Variants in FARP1 observed in about 807,000 individuals in gnomAD.
FARP1 encodes the protein FERM, ARHGEF and pleckstrin domain-containing protein 1.
In FARP1, 52 loss-of-function variants were observed where a neutral mutation model predicts 128.8. The observed-to-expected ratio is 0.40, with a 90% CI of 0.32 to 0.51. The LOEUF is 0.51. Among genes scored for constraint, FARP1 ranks in the 20% least tolerant of loss-of-function variants. The pLI, the probability that FARP1 is intolerant of heterozygous loss-of-function variation, is 0.45. For missense variants in FARP1, 1,333 were observed against 1,367.9 expected (o/e 0.97, Z 0.40); for synonymous variants, 580 against 551.8 (o/e 1.05, Z -0.72).
chr13:98,444,632 G>A (rs1191216886), intron 24 of FARP1, among the ~76,000 whole-genome samples: 1 of 152,210 alleles, frequency 6.6e-6, no homozygotes, highest in Non-Finnish European at 1.5e-5. Context: ...AGGAAGGGCC[G>A]CTGGATGTGC....
At chr13:98,395,574 G>A (rs1306211901) in intron 13 of FARP1, 98 bp downstream of exon 13, 8 of 1,397,252 alleles carry the variant, frequency 5.7e-6, no homozygotes, top group South Asian at 1.5e-5. Flanking sequence ...GAGAACAAGC[G>A]TCCCGATCCC....
Position 98,176,435 on chromosome 13 carries a change from C to T in FARP1, c.-24+32943C>T. 1 of 1,614,196 alleles carries T rather than the reference C, an allele frequency of 6.2e-7. No homozygotes were observed. The highest frequency in any genetic ancestry group is 8.5e-7 in the Non-Finnish European group (1 of 1,180,040). On this transcript the variant is annotated intron_variant, in intron 1 of 26. Coordinates refer to ENST00000319562, the MANE Select transcript of FARP1 (RefSeq NM_005766.4). This position sits in a 1 kb window ranked among gnomAD's most constrained non-coding sequence, Gnocchi z 6.2. ...CAGAAATAATGCCTGCACTTGGTGA[C>T]GACTGGGTTTTGGAAGGCCTGGCGA...
chr13:98,446,456 G>C, intron 25 of FARP1: 1 of 611,186 alleles, frequency 1.6e-6, no homozygotes, highest in South Asian at 2.0e-5. Context: ...AGGGACGGGG[G>C]TTGGCTTTAT....
At position 98,452,058 on chromosome 13, in the gene FARP1, GTC is replaced by G. The variant is rs1326167849; in HGVS notation, c.*3744_*3745del. 4 of 152,152 alleles carry G rather than the reference GTC, an allele frequency of 2.6e-5. No individual in the cohort carries two copies. The highest frequency in any genetic ancestry group is 6.5e-5 in the Admixed American group (1 of 15,274). 9.4% of individuals were successfully genotyped at this position (152,152 alleles called of 1,614,324 possible). A position where few individuals can be genotyped will look rare whatever the true frequency, so the allele number is the denominator to read the frequency against. Reference sequence around the variant, plus strand: ...ACTTCTCCCTGGAGTCTTCCAAAGTGTCTCATCACACACACACAGCCACGAGT... The same window carrying G: ...ACTTCTCCCTGGAGTCTTCCAAAGTGTCATCACACACACACAGCCACGAGT... On this transcript the variant is annotated 3_prime_UTR_variant, in exon 27 of 27. Transcript: ENST00000319562.
intron 6 of FARP1, chr13:98,383,724 C>T (rs1414350475): frequency 6.6e-6 from 1 of 152,128 alleles, no homozygotes; most frequent in Non-Finnish European, 1.5e-5. Context: ...GTACATTGAC[C>T]TTGAACTAGT....
chr13:98,424,277 C>T (rs190709778), intron 16 of FARP1, among the ~76,000 whole-genome samples: 11 of 152,290 alleles, frequency 7.2e-5, no homozygotes, highest in African/African-American at 2.4e-4. Context: ...AAAAATTAAT[C>T]TAAAATCAAA....
At chr13:98,235,331 T>C (rs1164678174) in intron 2 of FARP1, among the ~76,000 whole-genome samples, 1 of 152,012 alleles carries the variant, frequency 6.6e-6, no homozygotes, top group African/African-American at 2.4e-5. Context: ...AAATCAAAAG[T>C]CTCAAAAAAG....
intron 2 of FARP1, among the ~76,000 whole-genome samples, chr13:98,285,165 T>C (rs1885106490): frequency 6.6e-6 from 1 of 152,232 alleles, no homozygotes; most frequent in Non-Finnish European, 1.5e-5. Context: ...ACAATGTGCA[T>C]GTCCCCTTAT....
At chr13:98,228,314 C>G (rs1343715686) in intron 2 of FARP1, among the ~76,000 whole-genome samples, 1 of 152,098 alleles carries the variant, frequency 6.6e-6, no homozygotes, top group Admixed American at 6.6e-5. Flanking sequence ...GAGCCAAGAT[C>G]GTGCCATTGC....
At chr13:98,412,142 A>T in intron 16 of FARP1, 108 bp downstream of exon 16, 2 of 1,060,684 alleles carry the variant, frequency 1.9e-6, no homozygotes, top group South Asian at 1.5e-5. Context: ...GAAAGGCAGG[A>T]AACTGGCTTA....
In FARP1 at chr13:98,446,700, G is replaced by A. The variant is rs764577993; in HGVS notation, c.2939G>A (p.Gly980Asp). Residue 980 changes from glycine (G) to aspartate (D), a missense_variant, in exon 26 of 27, where the codon GGC (glycine) becomes GAC (aspartate). Physicochemically the swap from Gly to Asp is moderately conservative, Grantham distance 94. Coordinates refer to ENST00000319562, the MANE Select transcript of FARP1 (RefSeq NM_005766.4). ...CCCCTTGCCAGCCTGCCTCTGCTCG[G>A]CTACTCGCTCACCATCCCCTCTGAG... ...NHPLASLPLL[G>D]YSLTIPSESE... 1.2e-6 allele frequency: 2 copies of A among 1,614,004 alleles called. No individual in the cohort carries two copies. Among genetic ancestry groups the A allele is most frequent in the Non-Finnish European group, 1.7e-6 (2 of 1,179,982 alleles).
intron 2 of FARP1, among the ~76,000 whole-genome samples, chr13:98,286,340 C>T (rs1351686228): frequency 1.3e-5 from 2 of 152,182 alleles, no homozygotes; most frequent in African/African-American, 2.4e-5. Context: ...TATGGTTTGG[C>T]TGTGTCCCCA....
At chr13:98,348,925 A>G (rs1424288364) in intron 3 of FARP1, among the ~76,000 whole-genome samples, 1 of 152,198 alleles carries the variant, frequency 6.6e-6, no homozygotes, top group Non-Finnish European at 1.5e-5. Flanking sequence ...CCAGTCCTTA[A>G]CAATGAAATG....
intron 1 of FARP1, among the ~76,000 whole-genome samples, chr13:98,199,209 A>G (rs1879779526): frequency 6.6e-6 from 1 of 151,870 alleles, no homozygotes; most frequent in African/African-American, 2.4e-5. Flanking sequence ...CATCACTGCT[A>G]TTTAAGAACC....
chr13:98,180,494 C>A (rs1566709203), intron 1 of FARP1, among the ~76,000 whole-genome samples: 1 of 152,146 alleles, frequency 6.6e-6, no homozygotes, highest in Non-Finnish European at 1.5e-5. Flanking sequence ...CTCAGCCAGT[C>A]TTCTTGTGTG....
intron 2 of FARP1, among the ~76,000 whole-genome samples, chr13:98,289,579 G>T (rs894815137): frequency 2.0e-5 from 3 of 152,260 alleles, no homozygotes; most frequent in Non-Finnish European, 2.9e-5. Context: ...TCTCATGCAA[G>T]GCATCCGGGC....
chr13:98,428,815 A>G (rs191084600), intron 17 of FARP1, among the ~76,000 whole-genome samples: 69 of 152,212 alleles, frequency 4.5e-4, no homozygotes, highest in African/African-American at 1.6e-3. Flanking sequence ...GCCCCCAAGG[A>G]TGTGACGACA....
rs1892489232 is a variant in FARP1, at chr13:98,440,729, C to T, written c.2689C>T (p.Arg897Cys). Residue 897 changes from arginine to cysteine, a missense_variant, in exon 24 of 27, where the codon CGC (arginine) becomes TGC (cysteine). Physicochemically the swap from Arg to Cys is radical, Grantham distance 180. Transcript: ENST00000319562. ...QESEDDLSAS[R>C]TSLERQAPHR... is the part of the protein sequence containing the mutation. ...GTCAGAGGATGACCTGAGCGCCTCG[C>T]GCACATCGCTGGAGCGCCAGGCCCC... The T allele has an allele frequency of 7.4e-6, 12 of 1,613,534 alleles. No individual in the cohort carries two copies. In the South Asian group the frequency reaches 7.7e-5, roughly 10 times the overall value.
chr13:98,418,957 C>T (rs367817612), intron 16 of FARP1, among the ~76,000 whole-genome samples: 38 of 152,286 alleles, frequency 2.5e-4, no homozygotes, highest in African/African-American at 8.9e-4. Context: ...TAGCTTTGAG[C>T]AACCTAAGAG....
Sources: gnomAD v4.1 joint callset for allele counts (sites outside exome capture counted in the v4.1 genomes callset) on GRCh38, gnomAD v4.1.1 for gene constraint, Gnocchi (gnomAD v3.1) non-coding constraint, MANE v1.5 for transcripts, NCBI Gene and HGNC (gene_info 2026-07-23, HGNC 2026-07-21) for gene names.